The following WHRN variants were observed in gnomAD, a reference collection of about 807,000 sequenced individuals.
WHRN encodes CASK-interacting protein CIP98.
WHRN carries 41 observed loss-of-function variants against 68.3 expected under a neutral mutation model. That is an observed-to-expected ratio of 0.60 (90% CI 0.47 to 0.78). The LOEUF is 0.78. WHRN is among the 30% of genes least tolerant of loss of function. The pLI is 0.00. For missense variants in WHRN, 1,243 were observed against 1,244.7 expected, an observed-to-expected ratio of 1.00 and a Z score of 0.02; for synonymous variants, 560 against 561.3, an observed-to-expected ratio of 1.00 and a Z score of 0.03.
At chr9:114,463,091 C>T (rs1392620443) in intron 3 of WHRN, among the ~76,000 whole-genome samples, 1 of 152,216 alleles carries the variant, frequency 6.6e-6, no homozygotes, top group Admixed American at 6.5e-5. Flanking sequence ...GACACTATGG[C>T]ACCACACAAC....
At chr9:114,405,275 G>C (rs115106948) in intron 9 of WHRN, among the ~76,000 whole-genome samples, 127 of 152,070 alleles carry the variant, frequency 8.4e-4, no homozygotes, top group African/African-American at 2.8e-3. Flanking sequence ...CTTTCAGCAA[G>C]TTGCCCAGGC....
intron 5 of WHRN, 69 bp from the exon 6 acceptor site, chr9:114,424,615 C>G: frequency 2.7e-6 from 4 of 1,454,602 alleles, no homozygotes; most frequent in Non-Finnish European, 3.8e-6. Context: ...ATGCCACTCC[C>G]CCTCTGCCCT....
rs1389955068 is a variant in WHRN, at chr9:114,483,669, G to A, written c.619-4898C>T. Among the ~76,000 whole-genome samples the A allele has an allele frequency of 3.3e-5, 5 of 152,216 alleles. No homozygotes were observed. In the East Asian group the frequency reaches 9.6e-4, roughly 29 times the overall value. On this transcript the variant is annotated intron_variant, in intron 1 of 11. Transcript: ENST00000362057. ...CAGGCAGCAGAGCTTGAGCCTGTGA[G>A]ACAGAGACCCAGCAGGTCCCTGTTG...
At chr9:114,420,843 C>A (rs1179754145) in intron 7 of WHRN, among the ~76,000 whole-genome samples, 2 of 152,132 alleles carry the variant, frequency 1.3e-5, no homozygotes, top group African/African-American at 4.8e-5. Flanking sequence ...CAGGCATCCT[C>A]TCATTTAATC....
intron 3 of WHRN, among the ~76,000 whole-genome samples, chr9:114,446,914 A>G (rs1170224686): frequency 1.4e-5 from 2 of 147,176 alleles, no homozygotes; most frequent in African/African-American, 5.1e-5. Context: ...TCCCTCCCCA[A>G]CTCTCCTCTC....
At chr9:114,441,769 A>G (rs547771619) in intron 3 of WHRN, among the ~76,000 whole-genome samples, 2 of 152,388 alleles carry the variant, frequency 1.3e-5, no homozygotes, top group South Asian at 4.1e-4. Context: ...ACAGTAAAAT[A>G]GCAAGTGAGT....
chr9:114,417,872 C>G (rs140232185), intron 7 of WHRN, among the ~76,000 whole-genome samples: 1 of 152,238 alleles, frequency 6.6e-6, no homozygotes, highest in Non-Finnish European at 1.5e-5. Flanking sequence ...TATTTTCCAG[C>G]ACCTCCTGAT....
chr9:114,486,398 T>C (rs1303244923), intron 1 of WHRN, among the ~76,000 whole-genome samples: 1 of 152,212 alleles, frequency 6.6e-6, no homozygotes, highest in Non-Finnish European at 1.5e-5. Flanking sequence ...CTGAGTCACA[T>C]TCGTGATCTT....
chr9:114,463,818 C>G (rs1410702940), intron 3 of WHRN, among the ~76,000 whole-genome samples: 1 of 152,204 alleles, frequency 6.6e-6, no homozygotes, highest in Non-Finnish European at 1.5e-5. Context: ...ATTTCAGAAT[C>G]AACTAGACCT....
At chr9:114,421,817 A>T (rs888139025) in intron 7 of WHRN, among the ~76,000 whole-genome samples, 3 of 152,168 alleles carry the variant, frequency 2.0e-5, no homozygotes, top group African/African-American at 7.2e-5. Flanking sequence ...TTGTCCCAGA[A>T]CATGGAACTG....
chr9:114,467,809 G>A lies in WHRN; in HGVS notation c.838-1417C>T, dbSNP rs12235758. On this transcript the variant is annotated intron_variant, in intron 2 of 11. Coordinates refer to ENST00000362057, the MANE Select transcript of WHRN (RefSeq NM_015404.4). ...TAGCTGAAACCTAGCCCAAAGAGAC[G>A]AGAAACACCTGGCCACAAGACCCAG... Among the ~76,000 whole-genome samples the A allele has an allele frequency of 1.8e-3, 279 of 152,234 alleles. 9 individuals are homozygous for A. In the South Asian group the frequency reaches 0.033, roughly 18 times the overall value.
At chr9:114,413,110 G>A (rs1324203912) in intron 7 of WHRN, among the ~76,000 whole-genome samples, 2 of 152,246 alleles carry the variant, frequency 1.3e-5, no homozygotes, top group Non-Finnish European at 2.9e-5. Flanking sequence ...TGGGGAAACT[G>A]AGGCACTGAG....
chr9:114,501,551 TACACACACAC>T lies in WHRN; in HGVS notation c.618+2623_618+2632del, dbSNP rs59195050. ...AAATTTAATTTAATTTAATTTTTAT[TACACACACAC>T]ACACACACACACACACACACACACA... is the stretch of plus-strand genomic sequence containing the variant. On this transcript the variant is annotated intron_variant, in intron 1 of 11. Coordinates refer to ENST00000362057, the MANE Select transcript of WHRN (RefSeq NM_015404.4). Among the ~76,000 whole-genome samples the T allele has an allele frequency of 3.2e-3, 462 of 144,964 alleles. 1 individual carries two copies. The highest frequency in any genetic ancestry group is 4.5e-3 in the Non-Finnish European group (296 of 66,180).
chr9:114,440,692 G>A (rs1342017440), intron 3 of WHRN, among the ~76,000 whole-genome samples: 1 of 152,186 alleles, frequency 6.6e-6, no homozygotes, highest in Non-Finnish European at 1.5e-5. Context: ...TGGTAGTACT[G>A]TAATAATTTC....
intron 2 of WHRN, among the ~76,000 whole-genome samples, chr9:114,468,473 G>T (rs1840914263): frequency 6.6e-6 from 1 of 152,148 alleles, no homozygotes; most frequent in South Asian, 2.1e-4. Context: ...GCTCCTACTG[G>T]TTGCCAAATG....
chr9:114,492,721 C>T (rs1439920253), intron 1 of WHRN, among the ~76,000 whole-genome samples: 1 of 152,190 alleles, frequency 6.6e-6, no homozygotes, highest in Non-Finnish European at 1.5e-5. Flanking sequence ...CGTGGTGACT[C>T]ACACCTGTAG....
chr9:114,403,222 T>C lies in WHRN; in HGVS notation c.2536A>G (p.Ile846Val), dbSNP rs144178490. Residue 846 changes from isoleucine to valine, a missense_variant, in exon 11 of 12, where the codon ATT becomes GTT. Coordinates refer to ENST00000362057, the MANE Select transcript of WHRN (RefSeq NM_015404.4). Reference sequence around the variant, plus strand: ...TGGGGCCCCTGGGGACATACCTGAATAGTGACAATCCTAGGCAGGGGCTGG... The same window carrying C: ...TGGGGCCCCTGGGGACATACCTGAACAGTGACAATCCTAGGCAGGGGCTGG... ...TRQPLPRIVTIQRGGSAHNCG... is the reference protein window; with the variant it reads ...TRQPLPRIVTVQRGGSAHNCG... The C allele has an allele frequency of 4.3e-6, 7 of 1,614,076 alleles. No homozygotes were observed. In the African/African-American group the frequency reaches 8.0e-5, roughly 18 times the overall value.
chr9:114,423,396 T>A lies in WHRN; in HGVS notation c.1544A>T (p.Asp515Val). The change falls in exon 7 of 12, where the codon GAC (aspartate) becomes GTC (valine). Residue 515 changes from aspartate (D) to valine (V), a missense_variant. Physicochemically the swap from Asp to Val is radical, Grantham distance 152 (BLOSUM62 -3). Transcript: ENST00000362057. The stretch of plus-strand genomic sequence containing the variant: ...ACTGTAGGAGACCATGGAGTAGGTG[T>A]CCCCAGCCCCGGGGCCTGGGGGCTG... Reference protein sequence around the residue: ...ARQPPGPGAGDTYSMVSYSDT... With the variant: ...ARQPPGPGAGVTYSMVSYSDT... 1 of 1,613,908 alleles carries A rather than the reference T, an allele frequency of 6.2e-7. No individual in the cohort carries two copies.
At chr9:114,405,543 T>C (rs2132202651) in intron 9 of WHRN, among the ~76,000 whole-genome samples, 1 of 152,330 alleles carries the variant, frequency 6.6e-6, no homozygotes, top group East Asian at 1.9e-4. Flanking sequence ...TAGCTCTTAT[T>C]ATCCCTGCAT....
Sources: allele counts gnomAD v4.1 joint callset (sites outside exome capture counted in the v4.1 genomes callset), GRCh38; gene constraint gnomAD v4.1.1; transcripts MANE v1.5; gene names NCBI Gene and HGNC (gene_info 2026-07-23, HGNC 2026-07-21).